The following SORCS3 variants were observed in gnomAD, a reference collection of about 807,000 sequenced individuals.
SORCS3 encodes the protein VPS10 domain-containing receptor SorCS3.
Under a neutral mutation model 146.3 loss-of-function variants are expected in SORCS3, and 57 were observed. The ratio of observed to expected loss-of-function variants is 0.39; its 90% CI spans 0.31 to 0.49. The LOEUF (loss-of-function observed/expected upper bound fraction) is 0.49. SORCS3 is among the 20% of genes least tolerant of loss of function. The probability of loss-of-function intolerance (pLI) is 0.92; values close to 1 mark genes in which losing one functional copy is unlikely to be tolerated. For missense variants in SORCS3, 1,341 were observed against 1,575.5 expected, an observed-to-expected ratio of 0.85 and a Z score of 2.52; for synonymous variants, 653 against 618.5, an observed-to-expected ratio of 1.06 and a Z score of -0.83.
At chr10:104,977,103 A>G (rs892628616) in intron 3 of SORCS3, among the ~76,000 whole-genome samples, 2 of 152,178 alleles carry the variant, frequency 1.3e-5, no homozygotes, top group Non-Finnish European at 2.9e-5. Context: ...ATGGACATCA[A>G]AAATGAAACC....
At chr10:105,027,104 C>T (rs2055236728) in intron 4 of SORCS3, among the ~76,000 whole-genome samples, 1 of 152,192 alleles carries the variant, frequency 6.6e-6, no homozygotes, top group African/African-American at 2.4e-5. Context: ...TCGCTGTGCT[C>T]CAGCCACACT....
At chr10:105,117,035 A>T (rs1470134343) in intron 7 of SORCS3, among the ~76,000 whole-genome samples, 2 of 152,034 alleles carry the variant, frequency 1.3e-5, no homozygotes, top group African/African-American at 4.8e-5. Flanking sequence ...TGAACCTAAA[A>T]TAAAAGTTAA....
chr10:105,026,401 T>C (rs1331440218), intron 4 of SORCS3, among the ~76,000 whole-genome samples: 3 of 152,182 alleles, frequency 2.0e-5, no homozygotes, highest in African/African-American at 7.2e-5. Flanking sequence ...TCTCTTTAAA[T>C]GCATCAGTAG....
chr10:105,025,648 T>C (rs964810875), intron 4 of SORCS3, among the ~76,000 whole-genome samples: 5 of 152,068 alleles, frequency 3.3e-5, no homozygotes, highest in Admixed American at 3.3e-4. Context: ...TCGGAACTTG[T>C]ATTGAGAGCT....
chr10:104,712,325 G>C (rs2016428114), intron 1 of SORCS3, among the ~76,000 whole-genome samples: 1 of 152,138 alleles, frequency 6.6e-6, no homozygotes, highest in Non-Finnish European at 1.5e-5. Context: ...TCCCCTTTCT[G>C]CCACGCAGCC....
chr10:105,236,071 T>G (rs1458862272), intron 20 of SORCS3, among the ~76,000 whole-genome samples: 3 of 152,146 alleles, frequency 2.0e-5, no homozygotes, highest in Non-Finnish European at 2.9e-5. Flanking sequence ...GCATTATATG[T>G]GCCTCATATT....
At chr10:104,837,360 A>G (rs2018082302) in intron 1 of SORCS3, among the ~76,000 whole-genome samples, 1 of 152,172 alleles carries the variant, frequency 6.6e-6, no homozygotes, top group African/African-American at 2.4e-5. Flanking sequence ...TACTTCCATA[A>G]ATGTAATTTT....
chr10:105,007,125 C>G (rs2055101262), intron 4 of SORCS3, among the ~76,000 whole-genome samples: 1 of 152,176 alleles, frequency 6.6e-6, no homozygotes, highest in Non-Finnish European at 1.5e-5. Flanking sequence ...GGAAGTTATT[C>G]TAATCTAGTG....
intron 13 of SORCS3, among the ~76,000 whole-genome samples, chr10:105,175,041 C>A (rs2056388432): frequency 6.6e-6 from 1 of 151,846 alleles, no homozygotes; most frequent in East Asian, 1.9e-4. Context: ...TAATGCTGAC[C>A]TTTTTTATTC....
chr10:105,220,323 T>A (rs1035927191), intron 19 of SORCS3, among the ~76,000 whole-genome samples: 9 of 152,190 alleles, frequency 5.9e-5, no homozygotes, highest in African/African-American at 1.9e-4. Context: ...TGAGTGATGG[T>A]CTTTCAAGTT....
At chr10:104,886,985 C>G (rs1002972681) in intron 2 of SORCS3, among the ~76,000 whole-genome samples, 5 of 152,072 alleles carry the variant, frequency 3.3e-5, no homozygotes, top group Non-Finnish European at 7.3e-5. Flanking sequence ...ATTTGGTAAT[C>G]CTAGTGATTC....
At chr10:104,926,230 T>C (rs2019143426) in intron 3 of SORCS3, among the ~76,000 whole-genome samples, 1 of 152,218 alleles carries the variant, frequency 6.6e-6, no homozygotes, top group Admixed American at 6.5e-5. Flanking sequence ...CCCCATCTTC[T>C]TCCTTGTCTC....
At chr10:105,066,251 A>G (rs1445723583) in intron 5 of SORCS3, among the ~76,000 whole-genome samples, 1 of 152,098 alleles carries the variant, frequency 6.6e-6, no homozygotes, top group Non-Finnish European at 1.5e-5. Context: ...CTCCTGAAAT[A>G]TTTCCCTGTG....
At chr10:104,991,609 A>T (rs900564415) in intron 4 of SORCS3, among the ~76,000 whole-genome samples, 8 of 149,644 alleles carry the variant, frequency 5.3e-5, no homozygotes, top group Middle Eastern at 7.0e-3. Context: ...TCAAGCAATT[A>T]TTCTGCCTCA....
chr10:104,889,400 T>G (rs2018725544), intron 2 of SORCS3, among the ~76,000 whole-genome samples: 1 of 151,906 alleles, frequency 6.6e-6, no homozygotes, highest in Non-Finnish European at 1.5e-5. Flanking sequence ...CCTTACTCTT[T>G]ATTTTCGATC....
intron 22 of SORCS3, among the ~76,000 whole-genome samples, chr10:105,249,232 T>A (rs900698759): frequency 2.0e-5 from 3 of 152,164 alleles, no homozygotes; most frequent in Non-Finnish European, 4.4e-5. Context: ...ACAATAGTGA[T>A]TTGACTTTTA....
intron 2 of SORCS3, among the ~76,000 whole-genome samples, chr10:104,853,114 A>C (rs1564698495): frequency 2.0e-5 from 3 of 152,208 alleles, no homozygotes; most frequent in African/African-American, 7.2e-5. Flanking sequence ...CCTGACCAAC[A>C]TGGTGAAACC....
chr10:105,062,963 A>G (rs1728423), intron 5 of SORCS3, among the ~76,000 whole-genome samples: 151,037 of 152,300 alleles, frequency 0.99, 74,907 homozygotes, highest in Middle Eastern at 1. Flanking sequence ...TTGCTGAACT[A>G]GGAAGTGGGT....
At chr10:104,811,109 A>G (rs148222428) in intron 1 of SORCS3, among the ~76,000 whole-genome samples, 147 of 152,356 alleles carry the variant, frequency 9.6e-4, no homozygotes, top group Non-Finnish European at 9.8e-4. Context: ...ACAAAACAAC[A>G]TATTAAAAGT....
Sources: gnomAD v4.1 joint callset for allele counts (sites outside exome capture counted in the v4.1 genomes callset) on GRCh38, gnomAD v4.1.1 for gene constraint, MANE v1.5 for transcripts, NCBI Gene and HGNC (gene_info 2026-07-23, HGNC 2026-07-21) for gene names.